The following NUP205 variants were observed in gnomAD, a reference collection of about 807,000 sequenced individuals.
NUP205 encodes the protein nucleoporin 205.
NUP205 carries 76 observed loss-of-function variants against 253.8 expected under a neutral mutation model. The observed-to-expected ratio is 0.30, with a 90% confidence interval of 0.25 to 0.36. The LOEUF (loss-of-function observed/expected upper bound fraction) is 0.36, where lower values mean the gene tolerates loss of function less well. Ranked by LOEUF, NUP205 falls within the 10% of genes least tolerant of loss-of-function variation. The pLI, the probability that NUP205 is intolerant of heterozygous loss-of-function variation, is 1.00. For synonymous variants in NUP205, 832 were observed against 850.1 expected (o/e 0.98, Z 0.37); for missense variants, 2,162 against 2,425.5 (o/e 0.89, Z 2.28).
intron 7 of NUP205, among the ~76,000 whole-genome samples, chr7:135,584,530 A>G (rs1806403438): frequency 6.6e-6 from 1 of 152,224 alleles, no homozygotes; most frequent in African/African-American, 2.4e-5. Context: ...TGTTTGGATG[A>G]TAGCTCCCTG....
chr7:135,613,292 T>TTA (rs1334298477), intron 22 of NUP205, among the ~76,000 whole-genome samples: 4 of 151,898 alleles, frequency 2.6e-5, no homozygotes, highest in African/African-American at 9.7e-5. Context: ...ATGGAGATCT[T>TTA]TATATATATT....
intron 1 of NUP205, among the ~76,000 whole-genome samples, chr7:135,563,607 C>T (rs1436409537): frequency 6.6e-6 from 1 of 152,098 alleles, no homozygotes; most frequent in Non-Finnish European, 1.5e-5. Context: ...TATCCCTAAA[C>T]ATTAAGGAAA....
chr7:135,612,025 C>T (rs1021815840), intron 22 of NUP205, among the ~76,000 whole-genome samples: 3 of 151,942 alleles, frequency 2.0e-5, no homozygotes, highest in Non-Finnish European at 2.9e-5. Context: ...GAGGCTGAGG[C>T]GGGAGAATGG....
intron 37 of NUP205, 105 bp downstream of exon 37, chr7:135,638,164 CT>C (rs1265279842): frequency 8.2e-7 from 1 of 1,212,968 alleles, no homozygotes; most frequent in Non-Finnish European, 1.1e-6. Context: ...AATCCCAGCA[CT>C]TTGGGAGGCC....
Position 135,630,455 on chromosome 7 carries a change from A to G in NUP205, c.5044A>G (p.Lys1682Glu). 1 of 1,606,570 alleles carries G rather than the reference A, an allele frequency of 6.2e-7. No homozygotes were observed. Among genetic ancestry groups the G allele is most frequent in the Non-Finnish European group, 8.5e-7 (1 of 1,176,152 alleles). Residue 1682 changes from lysine to glutamate, a missense_variant, in exon 35 of 43, where the codon AAA becomes GAA. Physicochemically the swap from Lys to Glu is moderately conservative, Grantham distance 56. This residue lies in a region of NUP205 where 1,144 missense variants were observed against 1,280.9 expected (regional missense o/e 0.89). Coordinates refer to ENST00000285968, the MANE Select transcript of NUP205 (RefSeq NM_015135.3). ...GGCTCTGCTGACAGGAATTATAAGTAAAGCAGCACTTCCTGGTGAGTTGAT... is the reference window on the plus strand; with the variant it reads ...GGCTCTGCTGACAGGAATTATAAGTGAAGCAGCACTTCCTGGTGAGTTGAT... Reference protein sequence around the residue: ...ELALLTGIISKAALPGILSEL... With the variant: ...ELALLTGIISEAALPGILSEL...
chr7:135,594,695 C>T lies in NUP205; in HGVS notation c.1979C>T (p.Ala660Val). 2 of 1,613,582 alleles carry T rather than the reference C, an allele frequency of 1.2e-6. No individual in the cohort carries two copies. Among genetic ancestry groups the T allele is most frequent in the East Asian group, 2.2e-5 (1 of 44,832 alleles). The change falls in exon 13 of 43, where the codon GCT becomes GTT. Residue 660 changes from alanine (A) to valine (V), a missense_variant. By Grantham distance (64) the Ala-to-Val change is moderately conservative (BLOSUM62 0). Transcript: ENST00000285968. ...GCTTTTGGAAAATCTCCTGAAATTG[C>T]TGCTTCCCTCTGGCAGTCATTGGAA... ...LAAFGKSPEI[A>V]ASLWQSLEYT... is the part of the protein sequence containing the mutation.
intron 1 of NUP205, among the ~76,000 whole-genome samples, chr7:135,570,057 A>ATG (rs1805907722): frequency 4.1e-5 from 3 of 72,666 alleles, no homozygotes; most frequent in African/African-American, 1.2e-4. Context: ...ATATATAGAG[A>ATG]GAGAGAGAGA....
At chr7:135,614,552 TAA>T (rs998231564) in intron 23 of NUP205, among the ~76,000 whole-genome samples, 3 of 152,236 alleles carry the variant, frequency 2.0e-5, no homozygotes, top group African/African-American at 7.2e-5. Flanking sequence ...AATGGGAATT[TAA>T]AGTTTTTGAA....
chr7:135,624,325 C>A (rs1345034198), intron 31 of NUP205, among the ~76,000 whole-genome samples: 1 of 151,904 alleles, frequency 6.6e-6, no homozygotes, highest in Non-Finnish European at 1.5e-5. Flanking sequence ...CCTCAGCCTC[C>A]CGAGTAGCTG....
At chr7:135,589,769 A>C (rs1328752586) in intron 10 of NUP205, among the ~76,000 whole-genome samples, 1 of 151,154 alleles carries the variant, frequency 6.6e-6, no homozygotes, top group East Asian at 1.9e-4. Context: ...GTCTCTACAA[A>C]AAATATTTTA....
intron 11 of NUP205, among the ~76,000 whole-genome samples, chr7:135,592,262 A>G (rs927532455): frequency 2.6e-5 from 4 of 152,210 alleles, no homozygotes; most frequent in African/African-American, 9.6e-5. Context: ...TTGGTATGCA[A>G]TGGAGTAGTG....
chr7:135,599,111 T>G (rs1353443672), intron 15 of NUP205, among the ~76,000 whole-genome samples: 1 of 152,190 alleles, frequency 6.6e-6, no homozygotes, highest in Non-Finnish European at 1.5e-5. Flanking sequence ...GGATAACTAC[T>G]TTTAGTCTTT....
intron 1 of NUP205, among the ~76,000 whole-genome samples, chr7:135,567,124 GTGTGTATATATATATATATA>G (rs1347267431): frequency 0.067 from 1,627 of 24,228 alleles, 125 homozygotes; most frequent in Middle Eastern, 0.17. Context: ...CTCAGTCTAT[GTGTGTATATATATATATATA>G]TATATATATA....
At chr7:135,591,341 T>C in intron 10 of NUP205, 109 bp from the exon 11 acceptor site, 1 of 881,464 alleles carries the variant, frequency 1.1e-6, no homozygotes, top group Non-Finnish European at 1.8e-6. Flanking sequence ...GTTGCGAGGG[T>C]TAAGTCAGAG....
intron 12 of NUP205, 26 bp from the exon 13 acceptor site, chr7:135,594,521 C>A: frequency 6.5e-7 from 1 of 1,547,052 alleles, no homozygotes; most frequent in South Asian, 1.2e-5. Context: ...AATGGAAAGT[C>A]TCATTCTTTT....
intron 7 of NUP205, among the ~76,000 whole-genome samples, chr7:135,579,604 A>T (rs1186820926): frequency 6.6e-6 from 1 of 152,206 alleles, no homozygotes; most frequent in East Asian, 1.9e-4. Context: ...AAAAACAGTT[A>T]TTTTTCCATA....
At chr7:135,620,460 G>A (rs1794451376) in intron 30 of NUP205, among the ~76,000 whole-genome samples, 1 of 152,180 alleles carries the variant, frequency 6.6e-6, no homozygotes, top group Non-Finnish European at 1.5e-5. Context: ...TTGAACCCAG[G>A]AGGCAGAGGT....
intron 22 of NUP205, among the ~76,000 whole-genome samples, chr7:135,611,774 A>G (rs573739334): frequency 6.6e-6 from 1 of 152,024 alleles, no homozygotes; most frequent in South Asian, 2.1e-4. Flanking sequence ...GGGAGGTGGC[A>G]GTTGTAAATA....
chr7:135,568,743 T>G (rs1053974548), intron 1 of NUP205, among the ~76,000 whole-genome samples: 3 of 152,244 alleles, frequency 2.0e-5, no homozygotes, highest in African/African-American at 7.2e-5. Context: ...GCACTACTCC[T>G]ACCTCTTTAA....
Sources: allele counts gnomAD v4.1 joint callset (sites outside exome capture counted in the v4.1 genomes callset), GRCh38; gene constraint gnomAD v4.1.1; regional missense constraint gnomAD v4.1.1; transcripts MANE v1.5; gene names NCBI Gene and HGNC (gene_info 2026-07-23, HGNC 2026-07-21).